The following ONECUT2 variants were observed in gnomAD, a reference collection of about 807,000 sequenced individuals.
ONECUT2 encodes one cut homeobox 2.
A neutral mutation model predicts 27.9 loss-of-function variants in ONECUT2; 10 were observed. The observed-to-expected ratio is 0.36, with a 90% CI of 0.22 to 0.61. The LOEUF (loss-of-function observed/expected upper bound fraction) is 0.61. Among genes scored for constraint, ONECUT2 ranks in the 20% least tolerant of loss-of-function variants. ONECUT2 has a pLI of 0.73. For missense variants in ONECUT2, 686 were observed against 721.0 expected, an observed-to-expected ratio of 0.95 and a Z score of 0.56; for synonymous variants, 334 against 315.1, an observed-to-expected ratio of 1.06 and a Z score of -0.64.
chr18:57,468,332 G>A (rs958080990), intron 1 of ONECUT2, among the ~76,000 whole-genome samples: 3 of 152,162 alleles, frequency 2.0e-5, no homozygotes, highest in Non-Finnish European at 2.9e-5. Context: ...CTCAGATCAG[G>A]CACGTTTGGA....
At chr18:57,442,937 C>A (rs2144296357) in intron 1 of ONECUT2, among the ~76,000 whole-genome samples, 1 of 152,302 alleles carries the variant, frequency 6.6e-6, no homozygotes, top group Admixed American at 6.5e-5. Flanking sequence ...GAGCCAGCCT[C>A]TCCTGCTGTC....
rs768293181 is a variant in ONECUT2 at position 57,436,135 on chromosome 18, C to T, written c.419C>T (p.Pro140Leu). The change falls in exon 1 of 2, where the codon CCT (proline) becomes CTT (leucine). Residue 140 changes from proline to leucine, a missense_variant. Physicochemically the swap from Pro to Leu is moderately conservative, Grantham distance 98. Around this residue, in one of 4 missense-constraint regions of ONECUT2, gnomAD observed 511 missense variants for 488.1 expected, o/e 1.05. Transcript: ENST00000491143. The surrounding 1 kb of genome is among the most constrained non-coding windows in gnomAD (Gnocchi z 5.9). The part of the protein sequence containing the change: ...AMSMSCDSSP[P>L]GMGMSNTYTT... ...AGCATGTCCTGCGACTCGTCTCCGC[C>T]TGGCATGGGCATGAGCAACACCTAC... is the stretch of plus-strand genomic sequence containing the variant. 6.9e-6 allele frequency: 11 copies of T among 1,604,008 alleles called. 1 individual carries two copies. Among genetic ancestry groups the T allele is most frequent in the Non-Finnish European group, 9.3e-6 (11 of 1,179,912 alleles).
At chr18:57,441,610 G>A (rs942419563) in intron 1 of ONECUT2, among the ~76,000 whole-genome samples, 2 of 152,266 alleles carry the variant, frequency 1.3e-5, no homozygotes, top group Non-Finnish European at 1.5e-5. Flanking sequence ...CCAATGCGCT[G>A]AACGGTGCCC....
chr18:57,447,681 C>G (rs2050208188), intron 1 of ONECUT2, among the ~76,000 whole-genome samples: 1 of 152,184 alleles, frequency 6.6e-6, no homozygotes, highest in African/African-American at 2.4e-5. Context: ...TGCCTGCCCC[C>G]ACGCCCCACC....
chr18:57,467,332 C>T (rs578057922), intron 1 of ONECUT2: 77 of 359,472 alleles, frequency 2.1e-4, no homozygotes, highest in South Asian at 1.5e-3. Context: ...ATTGATCATC[C>T]ACATTTCCTT....
At chr18:57,461,104 T>C (rs1260560328) in intron 1 of ONECUT2, among the ~76,000 whole-genome samples, 1 of 152,212 alleles carries the variant, frequency 6.6e-6, no homozygotes, top group African/African-American at 2.4e-5. Context: ...TCTGTTGCGT[T>C]TTGGTTTCAT....
In ONECUT2 at chr18:57,487,520, TC is replaced by T. The variant is rs2050444544; in HGVS notation, c.*10800del. On this transcript the variant is annotated 3_prime_UTR_variant, in exon 2 of 2. Coordinates refer to ENST00000491143, the MANE Select transcript of ONECUT2 (RefSeq NM_004852.3). ...TCTCGTATTTTGTGATCAGGTCAGCTCCCAGTAGAAACTCAAATGGCATCAA... is the reference window on the plus strand; with the variant it reads ...TCTCGTATTTTGTGATCAGGTCAGCTCCAGTAGAAACTCAAATGGCATCAA... 6.6e-6 allele frequency: 1 copy of T among 152,092 alleles called. No individual in the cohort carries two copies. The highest frequency in any genetic ancestry group is 1.5e-5 in the Non-Finnish European group (1 of 68,038). 9.4% of individuals were successfully genotyped at this position (152,092 alleles called of 1,614,324 possible).
At position 57,468,510 on chromosome 18, in the gene ONECUT2, G is replaced by A. The variant is rs116064026; in HGVS notation, c.1229-7927G>A. On this transcript the variant is annotated intron_variant, in intron 1 of 1. Coordinates refer to ENST00000491143, the MANE Select transcript of ONECUT2 (RefSeq NM_004852.3). ...GGCATCTAACTGGGAACTATTTATA[G>A]TTTCCAAAATTTAGGGAGCACAAAA... Among the ~76,000 whole-genome samples the A allele has an allele frequency of 9.8e-3, 1,490 of 152,342 alleles. 26 individuals carry two copies. The highest frequency in any genetic ancestry group is 0.034 in the African/African-American group (1,416 of 41,580).
At chr18:57,472,704 A>G (rs992018854) in intron 1 of ONECUT2, among the ~76,000 whole-genome samples, 12 of 151,448 alleles carry the variant, frequency 7.9e-5, no homozygotes, top group Admixed American at 2.0e-4. Context: ...ATGTGTGTGT[A>G]TATATATATA....
chr18:57,445,516 C>G (rs1296711123), intron 1 of ONECUT2, among the ~76,000 whole-genome samples: 1 of 152,170 alleles, frequency 6.6e-6, no homozygotes, highest in African/African-American at 2.4e-5. Flanking sequence ...CAACACGGTA[C>G]ATGACCTGTT....
At chr18:57,456,089 A>G (rs1258852008) in intron 1 of ONECUT2, among the ~76,000 whole-genome samples, 5 of 152,212 alleles carry the variant, frequency 3.3e-5, no homozygotes, top group Non-Finnish European at 7.3e-5. Context: ...AAAAATAACA[A>G]ATGTTGGCAA....
rs2050137630 is a variant in ONECUT2 at position 57,435,988 on chromosome 18, TG to T, written c.275del (p.Gly92AlafsTer40). 6.7e-7 allele frequency: 1 copy of T among 1,494,952 alleles called. No homozygotes were observed. The highest frequency in any genetic ancestry group is 2.0e-5 in the Admixed American group (1 of 48,798). The allele number at this position is 1,494,952 out of a possible 1,614,324, so 92.6% of individuals were successfully genotyped here. A position where few individuals can be genotyped will look rare whatever the true frequency, so the allele number is the denominator to read the frequency against. The part of the protein sequence containing the change: ...PPPPPTAHQE[L>X]GTAAAAAAAA... ...CCGCCTCCAACCGCGCACCAGGAGCTGGGCACGGCGGCAGCGGCGGCAGCGG... is the reference window on the plus strand; with the variant it reads ...CCGCCTCCAACCGCGCACCAGGAGCTGGCACGGCGGCAGCGGCGGCAGCGG... On this transcript the variant is annotated frameshift_variant, in exon 1 of 2. Coordinates refer to ENST00000491143, the MANE Select transcript of ONECUT2 (RefSeq NM_004852.3). LOFTEE classifies it high-confidence loss of function.
intron 1 of ONECUT2, among the ~76,000 whole-genome samples, chr18:57,463,847 A>G (rs1376938196): frequency 6.6e-6 from 1 of 152,186 alleles, no homozygotes; most frequent in African/African-American, 2.4e-5. Context: ...CTAACAGTTC[A>G]TTGTGTATTC....
chr18:57,449,445 C>T (rs369183687), intron 1 of ONECUT2, among the ~76,000 whole-genome samples: 3 of 152,228 alleles, frequency 2.0e-5, no homozygotes, highest in Admixed American at 6.5e-5. Context: ...TTAGGAGAAG[C>T]ATTTCACAAT....
chr18:57,461,087 G>T (rs147943204), intron 1 of ONECUT2, among the ~76,000 whole-genome samples: 52 of 151,694 alleles, frequency 3.4e-4, no homozygotes, highest in African/African-American at 1.2e-3. Context: ...TGTTGTGAAG[G>T]TTTTTTTCTG....
In ONECUT2 at chr18:57,487,071, A is replaced by G. The variant is rs1234812324; in HGVS notation, c.*10348A>G. 2 of 152,630 alleles carry G rather than the reference A, an allele frequency of 1.3e-5. No individual in the cohort carries two copies. The highest frequency in any genetic ancestry group is 2.9e-5 in the Non-Finnish European group (2 of 68,034). 9.5% of individuals were successfully genotyped at this position (152,630 alleles called of 1,614,324 possible). On this transcript the variant is annotated 3_prime_UTR_variant, in exon 2 of 2. Coordinates refer to ENST00000491143, the MANE Select transcript of ONECUT2 (RefSeq NM_004852.3). ...GTTAGCAGTTGTGGAACAGTTGTGTATACATTAAACTGTGAAAATGTACAC... is the reference window on the plus strand; with the variant it reads ...GTTAGCAGTTGTGGAACAGTTGTGTGTACATTAAACTGTGAAAATGTACAC...
At position 57,436,159 on chromosome 18, in the gene ONECUT2, A is replaced by T. The variant is rs1420294135; in HGVS notation, c.443A>T (p.Tyr148Phe). 4 of 1,605,976 alleles carry T rather than the reference A, an allele frequency of 2.5e-6. No individual in the cohort carries two copies. The highest frequency in any genetic ancestry group is 2.5e-6 in the Non-Finnish European group (3 of 1,179,762). Residue 148 changes from tyrosine to phenylalanine, a missense_variant, in exon 1 of 2, where the codon TAC (tyrosine) becomes TTC (phenylalanine). By Grantham distance (22) the Tyr-to-Phe change is conservative (BLOSUM62 3). Transcript: ENST00000491143. The surrounding 1 kb of genome is among the most constrained non-coding windows in gnomAD (Gnocchi z 5.9). The part of the protein sequence containing the change: ...SPPGMGMSNT[Y>F]TTLTPLQPLP... ...CCTGGCATGGGCATGAGCAACACCT[A>T]CACCACGCTGACACCGCTCCAGCCG...
At position 57,490,819 on chromosome 18, in the gene ONECUT2, A is replaced by ACAT. The variant is rs2050462195; in HGVS notation, c.*14099_*14101dup. Reference sequence around the variant, plus strand: ...CTTTTCTTTTCAGTTGATCCCTTTGACATCACCTCTCATGTTTAAAATCAG... The same window carrying ACAT: ...CTTTTCTTTTCAGTTGATCCCTTTGACATCATCACCTCTCATGTTTAAAATCAG... On this transcript the variant is annotated 3_prime_UTR_variant, in exon 2 of 2. Transcript: ENST00000491143. 1 of 152,566 alleles carries ACAT rather than the reference A, an allele frequency of 6.6e-6. No homozygotes were observed. Among genetic ancestry groups the ACAT allele is most frequent in the Non-Finnish European group, 1.5e-5 (1 of 68,036 alleles). The allele number at this position is 152,566 out of a possible 1,614,324, so 9.5% of individuals were successfully genotyped here.
At chr18:57,475,545 ATCAG>A (rs1180132179) in intron 1 of ONECUT2, among the ~76,000 whole-genome samples, 1 of 152,180 alleles carries the variant, frequency 6.6e-6, no homozygotes, top group Non-Finnish European at 1.5e-5. Flanking sequence ...TCCAAAAAGA[ATCAG>A]TCAGGAATAC....
Sources: gnomAD v4.1 joint callset for allele counts (sites outside exome capture counted in the v4.1 genomes callset) on GRCh38, gnomAD v4.1.1 for gene constraint, gnomAD v4.1.1 regional missense constraint, Gnocchi (gnomAD v3.1) non-coding constraint, MANE v1.5 for transcripts, NCBI Gene and HGNC (gene_info 2026-07-23, HGNC 2026-07-21) for gene names.